The following BDKRB1 variants were observed in gnomAD, a reference collection of about 807,000 sequenced individuals.
BDKRB1 encodes the protein B1 bradykinin receptor.
For synonymous variants in BDKRB1, 192 were observed against 189.1 expected (o/e 1.02, Z -0.13); for missense variants, 414 against 441.4 (o/e 0.94, Z 0.56).
At chr14:96,261,771 G>A (rs1270286387) in intron 1 of BDKRB1, among the ~76,000 whole-genome samples, 2 of 152,254 alleles carry the variant, frequency 1.3e-5, no homozygotes, top group African/African-American at 2.4e-5. Flanking sequence ...AGGCTCTGAA[G>A]ATTGTCTGGA....
At chr14:96,257,416 G>A (rs567249197) in intron 1 of BDKRB1, among the ~76,000 whole-genome samples, 3 of 152,268 alleles carry the variant, frequency 2.0e-5, no homozygotes, top group South Asian at 2.1e-4. Context: ...ACTCAGTCTC[G>A]CTGAGCTAAA....
chr14:96,258,632 TGCCTCA>T (rs1212254631), intron 1 of BDKRB1, among the ~76,000 whole-genome samples: 1 of 152,198 alleles, frequency 6.6e-6, no homozygotes, highest in Non-Finnish European at 1.5e-5. Context: ...GCAATTCTCC[TGCCTCA>T]GCCTCCTGTG....
At chr14:96,256,704 C>A (rs1885625615) in intron 1 of BDKRB1, among the ~76,000 whole-genome samples, 1 of 152,140 alleles carries the variant, frequency 6.6e-6, no homozygotes, top group African/African-American at 2.4e-5. Flanking sequence ...TTCATAAGAC[C>A]AATAACTGGT....
intron 1 of BDKRB1, among the ~76,000 whole-genome samples, chr14:96,257,089 T>C (rs542555346): frequency 6.6e-6 from 1 of 152,320 alleles, no homozygotes; most frequent in African/African-American, 2.4e-5. Flanking sequence ...AGATTTCTCC[T>C]CTCTAGCCAA....
rs761261697 is a variant in BDKRB1 at position 96,263,879 on chromosome 14, G to A, written c.197G>A (p.Arg66Gln). ...GTCCTGTTGGTCTTCCTCCTGCCCC[G>A]GCGGCAACTGAACGTGGCAGAAATC... ...LFVLLVFLLP[R>Q]RQLNVAEIYL... The change falls in exon 3 of 3, where the codon CGG becomes CAG. Residue 66 changes from arginine to glutamine, a missense_variant. By Grantham distance (43) the Arg-to-Gln change is conservative. Coordinates refer to ENST00000216629, the MANE Select transcript of BDKRB1 (RefSeq NM_000710.4). The A allele has an allele frequency of 1.1e-5, 18 of 1,614,052 alleles. No homozygotes were observed. Among genetic ancestry groups the A allele is most frequent in the South Asian group, 7.7e-5 (7 of 91,084 alleles).
rs1487426193 is a variant in BDKRB1, at chr14:96,262,752, C to T, written c.-29C>T. ...AAACGATTCTCCCACCTCAGCCTCT[C>T]GAGTTGCTGGGACCACAGGTATGCA... On this transcript the variant is annotated 5_prime_UTR_variant, in exon 2 of 3. Transcript: ENST00000216629. The T allele has an allele frequency of 1.2e-5, 5 of 427,014 alleles. No individual in the cohort carries two copies. Among genetic ancestry groups the T allele is most frequent in the Admixed American group, 2.8e-5 (1 of 35,132 alleles). 26.5% of individuals were successfully genotyped at this position (427,014 alleles called of 1,614,324 possible).
At position 96,256,405 on chromosome 14, in the gene BDKRB1, G is replaced by T. The variant is rs1190992272; in HGVS notation, c.-130+105G>T. 4 of 151,702 alleles carry T rather than the reference G, an allele frequency of 2.6e-5. No individual in the cohort carries two copies. In the East Asian group the frequency reaches 7.7e-4, roughly 29 times the overall value. 9.4% of individuals were successfully genotyped at this position (151,702 alleles called of 1,614,324 possible). A position where few individuals can be genotyped will look rare whatever the true frequency, so the allele number is the denominator to read the frequency against. On this transcript the variant is annotated intron_variant, in intron 1 of 2. Transcript: ENST00000216629. ...AAACTTCCTTTTACACCTACCTATT[G>T]GCAAAATTTTCCACTTCTGTGAGGG...
At chr14:96,263,570 G>T in intron 2 of BDKRB1, 103 bp from the exon 3 acceptor site, 2 of 1,273,572 alleles carry the variant, frequency 1.6e-6, no homozygotes. Context: ...GTGTGGCTCT[G>T]TGCCAATAAA....
chr14:96,260,209 A>G (rs1388265182), intron 1 of BDKRB1, among the ~76,000 whole-genome samples: 1 of 152,166 alleles, frequency 6.6e-6, no homozygotes, highest in African/African-American at 2.4e-5. Context: ...TTTTTAGTAC[A>G]TACAGGGTTT....
intron 1 of BDKRB1, 59 bp from the exon 2 acceptor site, chr14:96,262,589 TTCTC>T (rs145455564): frequency 1.3e-4 from 54 of 402,038 alleles, no homozygotes; most frequent in South Asian, 2.6e-4. Flanking sequence ...CTTTTTTCTT[TTCTC>T]TCTCTCTCTC....
At chr14:96,258,899 G>T (rs1391866571) in intron 1 of BDKRB1, among the ~76,000 whole-genome samples, 2 of 149,342 alleles carry the variant, frequency 1.3e-5, no homozygotes, top group Non-Finnish European at 3.0e-5. Context: ...TGTTTTGTCA[G>T]ATTCAGATAC....
At chr14:96,260,648 C>G (rs1885727490) in intron 1 of BDKRB1, among the ~76,000 whole-genome samples, 1 of 152,178 alleles carries the variant, frequency 6.6e-6, no homozygotes, top group African/African-American at 2.4e-5. Context: ...CCAGCCTCCT[C>G]CATATTATGC....
intron 1 of BDKRB1, among the ~76,000 whole-genome samples, chr14:96,257,154 A>T (rs915282743): frequency 3.9e-5 from 6 of 152,196 alleles, no homozygotes; most frequent in Non-Finnish European, 7.4e-5. Context: ...AATAAGCCCC[A>T]TGTGAGCAGA....
At position 96,264,563 on chromosome 14, in the gene BDKRB1, T is replaced by A; in HGVS notation, c.881T>A (p.Leu294Gln). ...CFWEDFIDLG[L>Q]QLANFFAFTN... ...TGGGAGGACTTCATTGACCTGGGCCTGCAATTGGCCAACTTCTTTGCCTTC... is the reference window on the plus strand; with the variant it reads ...TGGGAGGACTTCATTGACCTGGGCCAGCAATTGGCCAACTTCTTTGCCTTC... Residue 294 changes from leucine (L) to glutamine (Q), a missense_variant, in exon 3 of 3, where the codon CTG becomes CAG. Coordinates refer to ENST00000216629, the MANE Select transcript of BDKRB1 (RefSeq NM_000710.4). 1 of 1,614,200 alleles carries A rather than the reference T, an allele frequency of 6.2e-7. No individual in the cohort carries two copies. Among genetic ancestry groups the A allele is most frequent in the Non-Finnish European group, 8.5e-7 (1 of 1,180,028 alleles).
At chr14:96,257,109 C>A (rs1414419196) in intron 1 of BDKRB1, among the ~76,000 whole-genome samples, 1 of 152,240 alleles carries the variant, frequency 6.6e-6, no homozygotes, top group Non-Finnish European at 1.5e-5. Context: ...ACTTTATAAA[C>A]ACAGACAGCA....
chr14:96,261,528 T>TGAC (rs1442224526), intron 1 of BDKRB1, among the ~76,000 whole-genome samples: 1 of 152,238 alleles, frequency 6.6e-6, no homozygotes, highest in African/African-American at 2.4e-5. Context: ...AGACATGAAC[T>TGAC]GACTCTCCTG....
At position 96,264,146 on chromosome 14, in the gene BDKRB1, G is replaced by A. The variant is rs762852572; in HGVS notation, c.464G>A (p.Arg155Gln). 1.3e-5 allele frequency: 21 copies of A among 1,597,516 alleles called. No individual in the cohort carries two copies. Among genetic ancestry groups the A allele is most frequent in the East Asian group, 2.2e-5 (1 of 44,748 alleles). ...SRRQQRRRQA[R>Q]VTCVLIWVVG... is the part of the protein sequence containing the mutation. ...AGGCAGCAGCGGCGGAGGCAGGCCC[G>A]GGTCACCTGCGTGCTCATCTGGGTT... Residue 155 changes from arginine (R) to glutamine (Q), a missense_variant, in exon 3 of 3, where the codon CGG becomes CAG. Transcript: ENST00000216629.
At chr14:96,258,457 C>T (rs1423908106) in intron 1 of BDKRB1, among the ~76,000 whole-genome samples, 2 of 152,226 alleles carry the variant, frequency 1.3e-5, no homozygotes, top group Admixed American at 1.3e-4. Flanking sequence ...GATAAGCTCT[C>T]AGCAAATTCT....
chr14:96,262,538 G>A (rs1489458538), intron 1 of BDKRB1, 114 bp from the exon 2 acceptor site: 3 of 396,096 alleles, frequency 7.6e-6, no homozygotes, highest in African/African-American at 6.4e-5. Context: ...TCTAACAGAT[G>A]TTAGTTGTTA....
Sources: gnomAD v4.1 joint callset for allele counts (sites outside exome capture counted in the v4.1 genomes callset) on GRCh38, gnomAD v4.1.1 for gene constraint, MANE v1.5 for transcripts, NCBI Gene and HGNC (gene_info 2026-07-23, HGNC 2026-07-21) for gene names.